The following PDE11A variants were observed in gnomAD, a reference collection of about 807,000 sequenced individuals.
The protein encoded by PDE11A is dual 3',5'-cyclic-AMP and -GMP phosphodiesterase 11A.
PDE11A carries 100 observed loss-of-function variants against 100.5 expected under a neutral mutation model. That is an observed-to-expected ratio of 1.00 (90% CI 0.85 to 1.18). PDE11A has a LOEUF of 1.18. PDE11A is among the 50% of genes most tolerant of loss of function. PDE11A has a pLI of 0.00. For missense variants in PDE11A, 1,141 were observed against 1,152.6 expected (o/e 0.99, Z 0.15); for synonymous variants, 381 against 420.8 (o/e 0.91, Z 1.16).
Position 177,816,847 on chromosome 2 carries a change from C to A in PDE11A, c.1719G>T (p.Lys573Asn). 6.3e-7 allele frequency: 1 copy of A among 1,597,348 alleles called. No individual in the cohort carries two copies. Among genetic ancestry groups the A allele is most frequent in the Admixed American group, 1.7e-5 (1 of 59,994 alleles). ...MYDQVKKSWAKQSVALDVLSY... is the reference protein window; with the variant it reads ...MYDQVKKSWANQSVALDVLSY... ...TACTTACATCAAGAGCCACAGACTG[C>A]TTGGCCCAGGACTTCTTCACTTGAT... Residue 573 changes from lysine (K) to asparagine (N), a missense_variant, in exon 9 of 20, where the codon AAG becomes AAT. Transcript: ENST00000286063.
At chr2:177,721,558 C>A (rs1449581233) in intron 12 of PDE11A, among the ~76,000 whole-genome samples, 5 of 151,964 alleles carry the variant, frequency 3.3e-5, no homozygotes, top group African/African-American at 1.2e-4. Context: ...TTAAAAGGAA[C>A]CAAAAGAAAA....
chr2:177,833,272 C>T (rs1574192079), intron 6 of PDE11A, among the ~76,000 whole-genome samples: 1 of 152,152 alleles, frequency 6.6e-6, no homozygotes, highest in Admixed American at 6.5e-5. Flanking sequence ...ACTATATCTG[C>T]ACAGTTTATA....
intron 14 of PDE11A, among the ~76,000 whole-genome samples, chr2:177,699,281 T>C (rs899002508): frequency 1.3e-5 from 2 of 152,166 alleles, no homozygotes; most frequent in African/African-American, 2.4e-5. Context: ...AACGCAATGG[T>C]TGGTATTTGT....
chr2:177,914,021 T>A (rs1329004562), intron 2 of PDE11A, among the ~76,000 whole-genome samples: 1 of 152,164 alleles, frequency 6.6e-6, no homozygotes, highest in Non-Finnish European at 1.5e-5. Context: ...TTACCCCAAC[T>A]CATACAACAC....
chr2:177,806,055 G>C (rs1195547478), intron 9 of PDE11A, among the ~76,000 whole-genome samples: 1 of 152,128 alleles, frequency 6.6e-6, no homozygotes, highest in Non-Finnish European at 1.5e-5. Flanking sequence ...AGAAAAACTA[G>C]CAATTTTTCA....
At chr2:177,755,156 G>C (rs976757009) in intron 10 of PDE11A, among the ~76,000 whole-genome samples, 14 of 152,168 alleles carry the variant, frequency 9.2e-5, no homozygotes, top group African/African-American at 3.1e-4. Flanking sequence ...AATTTAATTG[G>C]CATGTCCCTG....
chr2:177,868,272 G>A (rs748896014), intron 5 of PDE11A, among the ~76,000 whole-genome samples: 7 of 151,952 alleles, frequency 4.6e-5, no homozygotes, highest in South Asian at 4.2e-4. Flanking sequence ...CTAAACTCTC[G>A]TAGGTGCTTC....
chr2:178,030,023 A>G (rs577789991), intron 1 of PDE11A, among the ~76,000 whole-genome samples: 10 of 152,322 alleles, frequency 6.6e-5, no homozygotes, highest in South Asian at 6.2e-4. Context: ...AGAACTGTGC[A>G]CTAATAAATT....
At chr2:178,078,589 AT>A in intron 2 of PDE11A, among the ~76,000 whole-genome samples, 1 of 152,210 alleles carries the variant, frequency 6.6e-6, no homozygotes, top group East Asian at 1.9e-4. Flanking sequence ...ATGTCATGCC[AT>A]AAATGTTTTA....
intron 2 of PDE11A, among the ~76,000 whole-genome samples, chr2:178,093,280 T>C (rs1275645652): frequency 4.6e-5 from 7 of 152,184 alleles, no homozygotes; most frequent in Non-Finnish European, 8.8e-5. Flanking sequence ...GAGTTCCTTC[T>C]AGAAAAGGTC....
chr2:177,748,771 A>T (rs2081987574), intron 10 of PDE11A, among the ~76,000 whole-genome samples: 1 of 152,146 alleles, frequency 6.6e-6, no homozygotes, highest in African/African-American at 2.4e-5. Flanking sequence ...AATATTTCTG[A>T]TCGGACCATA....
intron 2 of PDE11A, among the ~76,000 whole-genome samples, chr2:177,977,298 A>G (rs1207485683): frequency 6.9e-6 from 1 of 145,442 alleles, no homozygotes; most frequent in African/African-American, 2.5e-5. Flanking sequence ...CACCAACAAC[A>G]GACAAACAGA....
At chr2:178,076,635 C>T (rs943615871), upstream of PDE11A, among the ~76,000 whole-genome samples, 4 of 152,186 alleles carry the variant, frequency 2.6e-5, no homozygotes, top group Non-Finnish European at 5.9e-5. Context: ...CCTAATTATT[C>T]GTCTCCTAAA....
At chr2:177,911,068 G>A (rs559501500) in intron 2 of PDE11A, among the ~76,000 whole-genome samples, 2 of 152,276 alleles carry the variant, frequency 1.3e-5, no homozygotes, top group African/African-American at 4.8e-5. Flanking sequence ...CCTTTGTGTA[G>A]ATTCTGAAAA....
At chr2:177,849,226 T>A (rs751800650) in intron 5 of PDE11A, among the ~76,000 whole-genome samples, 2 of 151,914 alleles carry the variant, frequency 1.3e-5, no homozygotes, top group Non-Finnish European at 2.9e-5. Flanking sequence ...CAGAAAGGGG[T>A]ATGGGCAGAA....
chr2:177,880,322 G>C (rs2084309768), intron 4 of PDE11A, among the ~76,000 whole-genome samples: 1 of 152,220 alleles, frequency 6.6e-6, no homozygotes, highest in Non-Finnish European at 1.5e-5. Context: ...GAGGAAAGGA[G>C]TCAGAGGTCA....
chr2:177,988,653 A>G (rs1474822945), intron 2 of PDE11A, among the ~76,000 whole-genome samples: 1 of 152,190 alleles, frequency 6.6e-6, no homozygotes, highest in African/African-American at 2.4e-5. Context: ...TAAATTACGT[A>G]GCCAGTCCTG....
chr2:177,858,289 C>G (rs1402304740), intron 5 of PDE11A, among the ~76,000 whole-genome samples: 1 of 152,006 alleles, frequency 6.6e-6, no homozygotes, highest in Non-Finnish European at 1.5e-5. Context: ...GCAAAAGAAA[C>G]TACCATCAGA....
At chr2:177,672,467 G>A (rs2080697924) in intron 17 of PDE11A, among the ~76,000 whole-genome samples, 1 of 152,144 alleles carries the variant, frequency 6.6e-6, no homozygotes, top group African/African-American at 2.4e-5. Flanking sequence ...GCTGCTGTTA[G>A]AAAAGAAGAG....
Sources: allele counts gnomAD v4.1 joint callset (sites outside exome capture counted in the v4.1 genomes callset), GRCh38; gene constraint gnomAD v4.1.1; transcripts MANE v1.5; gene names NCBI Gene and HGNC (gene_info 2026-07-23, HGNC 2026-07-21).